TNFAIP6: variants seen among roughly 807,000 people sequenced by gnomAD.
The protein encoded by TNFAIP6 is TNF alpha induced protein 6.
In TNFAIP6, 36 loss-of-function variants were observed where a neutral mutation model predicts 33.7. That is an observed-to-expected ratio of 1.07 (90% CI 0.82 to 1.41). The LOEUF is 1.41. TNFAIP6 is among the 40% of genes most tolerant of loss of function. The pLI is 0.00. For missense variants in TNFAIP6, 273 were observed against 331.9 expected (o/e 0.82, Z 1.38); for synonymous variants, 113 against 112.8 (o/e 1.00, Z -0.01).
intron 1 of TNFAIP6, among the ~76,000 whole-genome samples, chr2:151,361,677 G>A (rs557821755): frequency 6.6e-5 from 10 of 152,210 alleles, no homozygotes; most frequent in Non-Finnish European, 1.0e-4. Flanking sequence ...CAAGTTCCTT[G>A]AGGATAGAAC....
chr2:151,358,565 TA>T (rs1008288561), intron 1 of TNFAIP6, among the ~76,000 whole-genome samples: 36 of 151,774 alleles, frequency 2.4e-4, no homozygotes, highest in East Asian at 1.9e-3. Flanking sequence ...TGTTTAATAG[TA>T]AAAAAAAATT....
intron 1 of TNFAIP6, among the ~76,000 whole-genome samples, chr2:151,359,489 C>T (rs531755011): frequency 5.8e-4 from 88 of 150,904 alleles, no homozygotes; most frequent in Admixed American, 9.9e-4. Context: ...CCCAGGTTCA[C>T]GCCATTCTCC....
In TNFAIP6 at chr2:151,366,193, G is replaced by A; in HGVS notation, c.370G>A (p.Asp124Asn). The A allele has an allele frequency of 2.5e-6, 4 of 1,614,070 alleles. No homozygotes were observed. Among genetic ancestry groups the A allele is most frequent in the South Asian group, 1.1e-5 (1 of 91,064 alleles). ...GIRLNRSERWDAYCYNPHAKE... is the reference protein window; with the variant it reads ...GIRLNRSERWNAYCYNPHAKE... Reference sequence around the variant, plus strand: ...CCGTCTCAATAGGAGTGAAAGATGGGATGCCTATTGCTACAACCCACACGG... The same window carrying A: ...CCGTCTCAATAGGAGTGAAAGATGGAATGCCTATTGCTACAACCCACACGG... The change falls in exon 3 of 6, where the codon GAT becomes AAT. Residue 124 changes from aspartate to asparagine, a missense_variant. Asp to Asn is a conservative substitution (Grantham distance 23, BLOSUM62 1). Coordinates refer to ENST00000243347, the MANE Select transcript of TNFAIP6 (RefSeq NM_007115.4).
At position 151,379,402 on chromosome 2, in the gene TNFAIP6, G is replaced by A; in HGVS notation, c.703G>A (p.Val235Met). 2 of 1,604,490 alleles carry A rather than the reference G, an allele frequency of 1.2e-6. No homozygotes were observed. Among genetic ancestry groups the A allele is most frequent in the East Asian group, 2.3e-5 (1 of 44,196 alleles). Residue 235 changes from valine (V) to methionine (M), a missense_variant, in exon 6 of 6, where the codon GTG becomes ATG. Coordinates refer to ENST00000243347, the MANE Select transcript of TNFAIP6 (RefSeq NM_007115.4). ...CTTGAAGTTTCTAAGTGATGCTTCA[G>A]TGACAGCTGGAGGTTTCCAAATCAA... ...MTLKFLSDASVTAGGFQIKYV... is the reference protein window; with the variant it reads ...MTLKFLSDASMTAGGFQIKYV...
rs528721644 is a variant in TNFAIP6, at chr2:151,378,717, G to A, written c.665-647G>A. Among the ~76,000 whole-genome samples, 210 of 151,768 alleles carry A rather than the reference G, an allele frequency of 1.4e-3. 1 individual carries two copies. The highest frequency in any genetic ancestry group is 4.4e-3 in the African/African-American group (181 of 41,464). On this transcript the variant is annotated intron_variant, in intron 5 of 5. Coordinates refer to ENST00000243347, the MANE Select transcript of TNFAIP6 (RefSeq NM_007115.4). Reference sequence around the variant, plus strand: ...TTGGTCAGGCTGGTATGGAACTCTCGACCTCAGGTGATCTGCCCACCTCGA... The same window carrying A: ...TTGGTCAGGCTGGTATGGAACTCTCAACCTCAGGTGATCTGCCCACCTCGA...
At chr2:151,366,015 C>G in intron 2 of TNFAIP6, 41 bp from the exon 3 acceptor site, 6 of 1,600,356 alleles carry the variant, frequency 3.7e-6, no homozygotes, top group Non-Finnish European at 5.1e-6. Context: ...TTAGCCAAGA[C>G]AGTTTACCTG....
In TNFAIP6 at chr2:151,379,545, A is replaced by G. The variant is rs62169367; in HGVS notation, c.*12A>G. ...TTAGCCACTTATAAAAAAAAAAAAA[A>G]GGATGATCAAAACACACAGTGTTTA... is the stretch of plus-strand genomic sequence containing the variant. On this transcript the variant is annotated 3_prime_UTR_variant, in exon 6 of 6. Transcript: ENST00000243347. 2 of 1,344,476 alleles carry G rather than the reference A, an allele frequency of 1.5e-6. No homozygotes were observed. Among genetic ancestry groups the G allele is most frequent in the Non-Finnish European group, 2.0e-6 (2 of 984,282 alleles). 83.3% of individuals were successfully genotyped at this position (1,344,476 alleles called of 1,614,324 possible).
At chr2:151,373,038 C>T (rs1684842640) in intron 4 of TNFAIP6, among the ~76,000 whole-genome samples, 2 of 152,126 alleles carry the variant, frequency 1.3e-5, no homozygotes, top group Admixed American at 6.5e-5. Flanking sequence ...ATCTCATTGG[C>T]TGGGTGCGGT....
chr2:151,364,430 T>G lies in TNFAIP6; in HGVS notation c.232+350T>G, dbSNP rs561602901. ...CTCTTTGACTTCTCAGTATGGTGGC[T>G]GTTAAATGATGCTATAGTACTATAT... On this transcript the variant is annotated intron_variant, in intron 2 of 5. Transcript: ENST00000243347. 3.3e-5 allele frequency among the ~76,000 whole-genome samples: 5 copies of G among 152,374 alleles called. No individual in the cohort carries two copies. The East Asian group carries it at 9.6e-4, about 29-fold the overall frequency.
chr2:151,358,898 A>G (rs1314299214), intron 1 of TNFAIP6, among the ~76,000 whole-genome samples: 1 of 152,232 alleles, frequency 6.6e-6, no homozygotes, highest in East Asian at 1.9e-4. Context: ...ATACAGTCAA[A>G]TATAGGAAAT....
At chr2:151,370,356 C>A in intron 4 of TNFAIP6, 108 bp downstream of exon 4, 1 of 810,672 alleles carries the variant, frequency 1.2e-6, no homozygotes, top group Non-Finnish European at 2.0e-6. Context: ...TGGAATAGTT[C>A]TACTCTCCTA....
chr2:151,375,148 T>G (rs928761617), intron 5 of TNFAIP6, among the ~76,000 whole-genome samples: 1 of 128,482 alleles, frequency 7.8e-6, no homozygotes, highest in Non-Finnish European at 1.7e-5. Context: ...AAAAAAAAAG[T>G]CTGAAATTTT....
chr2:151,357,795 A>AT, intron 1 of TNFAIP6, 35 bp downstream of exon 1: 1 of 1,307,666 alleles, frequency 7.6e-7, no homozygotes, highest in Non-Finnish European at 1.1e-6. Flanking sequence ...CTTGTTGAGA[A>AT]TGTCAATTCT....
rs1180729216 is a variant in TNFAIP6 at position 151,358,922 on chromosome 2, T to A, written c.94+1162T>A. On this transcript the variant is annotated intron_variant, in intron 1 of 5. Transcript: ENST00000243347. ...AATATAGGAAATACACTCATATTTGTCAGGATTTTTTTTAAATGTCATAAA... is the reference window on the plus strand; with the variant it reads ...AATATAGGAAATACACTCATATTTGACAGGATTTTTTTTAAATGTCATAAA... Among the ~76,000 whole-genome samples, 5 of 152,176 alleles carry A rather than the reference T, an allele frequency of 3.3e-5. No homozygotes were observed. The East Asian group carries it at 9.6e-4, about 29-fold the overall frequency.
chr2:151,376,837 A>T (rs1684914595), intron 5 of TNFAIP6, among the ~76,000 whole-genome samples: 1 of 149,162 alleles, frequency 6.7e-6, no homozygotes, highest in Admixed American at 6.7e-5. Context: ...AGATTCCTAC[A>T]GTGCCAATTT....
At chr2:151,375,482 G>A (rs1684889868) in intron 5 of TNFAIP6, among the ~76,000 whole-genome samples, 1 of 152,180 alleles carries the variant, frequency 6.6e-6, no homozygotes, top group Non-Finnish European at 1.5e-5. Flanking sequence ...GATGAGGTGG[G>A]CGGATCACCA....
intron 3 of TNFAIP6, among the ~76,000 whole-genome samples, chr2:151,367,487 A>C (rs1338132585): frequency 1.3e-5 from 2 of 152,122 alleles, no homozygotes; most frequent in Non-Finnish European, 2.9e-5. Flanking sequence ...TTTCAAATGT[A>C]TTCTCTGATT....
At position 151,366,210 on chromosome 2, in the gene TNFAIP6, C is replaced by T; in HGVS notation, c.387C>T (p.Asn129=). Residue 129 remains asparagine (N), a synonymous_variant, in exon 3 of 6, where the codon AAC becomes AAT. Coordinates refer to ENST00000243347, the MANE Select transcript of TNFAIP6 (RefSeq NM_007115.4). ...AAAGATGGGATGCCTATTGCTACAACCCACACGGTGTGTTAAAAATAATAA... is the reference window on the plus strand; with the variant it reads ...AAAGATGGGATGCCTATTGCTACAATCCACACGGTGTGTTAAAAATAATAA... ...RSERWDAYCY[N]PHAKECGGVF... 1 of 1,613,980 alleles carries T rather than the reference C, an allele frequency of 6.2e-7. No individual in the cohort carries two copies. Among genetic ancestry groups the T allele is most frequent in the South Asian group, 1.1e-5 (1 of 91,066 alleles).
chr2:151,360,246 C>T (rs1484457768), intron 1 of TNFAIP6, among the ~76,000 whole-genome samples: 4 of 152,044 alleles, frequency 2.6e-5, no homozygotes, highest in African/African-American at 4.8e-5. Context: ...TGCAGTGAGC[C>T]GTGACCTCAC....
Sources: allele counts gnomAD v4.1 joint callset (sites outside exome capture counted in the v4.1 genomes callset), GRCh38; gene constraint gnomAD v4.1.1; transcripts MANE v1.5; gene names NCBI Gene and HGNC (gene_info 2026-07-23, HGNC 2026-07-21).